The following TCF7L1 variants were observed in gnomAD, a reference collection of about 807,000 sequenced individuals.
The protein encoded by TCF7L1 is transcription factor 7 like 1.
A neutral mutation model predicts 63.7 loss-of-function variants in TCF7L1; 18 were observed. The observed-to-expected ratio is 0.28, with a 90% CI of 0.20 to 0.42. The LOEUF (loss-of-function observed/expected upper bound fraction) is 0.42. TCF7L1 is among the 10% of genes least tolerant of loss of function. The probability of loss-of-function intolerance (pLI) is 1.00; values close to 1 mark genes in which losing one functional copy is unlikely to be tolerated. For synonymous variants in TCF7L1, 355 were observed against 340.9 expected (o/e 1.04, Z -0.46); for missense variants, 654 against 779.3 (o/e 0.84, Z 1.91).
intron 3 of TCF7L1, among the ~76,000 whole-genome samples, chr2:85,268,894 CGA>C (rs1681077529): frequency 6.6e-6 from 1 of 151,868 alleles, no homozygotes; most frequent in East Asian, 1.9e-4. Context: ...CCTGGAGGAA[CGA>C]GTGTGGGGCA....
At chr2:85,151,495 A>T (rs2104205690) in intron 3 of TCF7L1, among the ~76,000 whole-genome samples, 1 of 152,232 alleles carries the variant, frequency 6.6e-6, no homozygotes, top group Middle Eastern at 3.4e-3. Flanking sequence ...TCTCTCTGTG[A>T]TGTCAGCAGC....
intron 3 of TCF7L1, among the ~76,000 whole-genome samples, chr2:85,181,880 CA>C (rs1208063257): frequency 6.6e-6 from 1 of 152,062 alleles, no homozygotes; most frequent in African/African-American, 2.4e-5. Context: ...GTGCCAAGGC[CA>C]GGGGCAGGTA....
chr2:85,215,609 G>A (rs1310614239), intron 3 of TCF7L1, among the ~76,000 whole-genome samples: 1 of 152,180 alleles, frequency 6.6e-6, no homozygotes, highest in Non-Finnish European at 1.5e-5. Context: ...ATCTGGCTGG[G>A]AATGGCCGGG....
At chr2:85,220,306 G>A (rs756809901) in intron 3 of TCF7L1, among the ~76,000 whole-genome samples, 5 of 151,778 alleles carry the variant, frequency 3.3e-5, no homozygotes, top group Non-Finnish European at 5.9e-5. Flanking sequence ...AAAATGATAA[G>A]CTATTCAATC....
chr2:85,289,618 C>G (rs535956848), intron 4 of TCF7L1, among the ~76,000 whole-genome samples: 31 of 152,324 alleles, frequency 2.0e-4, no homozygotes, highest in Admixed American at 5.2e-4. Context: ...TGCCACCTCT[C>G]TCTTCCTGGT....
chr2:85,190,324 G>A (rs1191869861), intron 3 of TCF7L1, among the ~76,000 whole-genome samples: 1 of 152,274 alleles, frequency 6.6e-6, no homozygotes, highest in South Asian at 2.1e-4. Flanking sequence ...TTGGAGGGAC[G>A]AAGGACATTT....
chr2:85,156,999 T>G (rs1678165669), intron 3 of TCF7L1, among the ~76,000 whole-genome samples: 1 of 152,196 alleles, frequency 6.6e-6, no homozygotes, highest in Non-Finnish European at 1.5e-5. Flanking sequence ...CATAGGATGG[T>G]TCCTCACAAC....
At chr2:85,206,038 A>G (rs1266451218) in intron 3 of TCF7L1, among the ~76,000 whole-genome samples, 1 of 152,214 alleles carries the variant, frequency 6.6e-6, no homozygotes, top group Non-Finnish European at 1.5e-5. Context: ...GCATACCTTT[A>G]TTGCTGACAA....
chr2:85,254,946 G>A lies in TCF7L1; in HGVS notation c.442-28549G>A, dbSNP rs116122050. Among the ~76,000 whole-genome samples, 427 of 152,292 alleles carry A rather than the reference G, an allele frequency of 2.8e-3. 1 individual carries two copies. Among genetic ancestry groups the A allele is most frequent in the African/African-American group, 9.7e-3 (403 of 41,564 alleles). ...CTGTTGGATGTCTTAATATGAGGAAGGACTCAAACAGAGCTGTCCGCAGCT... is the reference window on the plus strand; with the variant it reads ...CTGTTGGATGTCTTAATATGAGGAAAGACTCAAACAGAGCTGTCCGCAGCT... On this transcript the variant is annotated intron_variant, in intron 3 of 11. Coordinates refer to ENST00000282111, the MANE Select transcript of TCF7L1 (RefSeq NM_031283.3).
chr2:85,294,125 T>C (rs1681792307), intron 4 of TCF7L1, among the ~76,000 whole-genome samples: 1 of 139,272 alleles, frequency 7.2e-6, no homozygotes, highest in Non-Finnish European at 1.5e-5. Context: ...CAAGCTCCAC[T>C]TCCCGGATTC....
At chr2:85,235,514 G>C (rs1324572975) in intron 3 of TCF7L1, among the ~76,000 whole-genome samples, 1 of 151,914 alleles carries the variant, frequency 6.6e-6, no homozygotes, top group Admixed American at 6.6e-5. Flanking sequence ...CTCAGGGCTG[G>C]CTCCCTTGTG....
At chr2:85,228,790 C>A (rs1680009650) in intron 3 of TCF7L1, among the ~76,000 whole-genome samples, 1 of 150,212 alleles carries the variant, frequency 6.7e-6, no homozygotes, top group Non-Finnish European at 1.5e-5. Context: ...CCGAGGCGGG[C>A]AGATCATGAG....
chr2:85,233,840 C>T (rs1348558464), intron 3 of TCF7L1: 1 of 152,156 alleles, frequency 6.6e-6, no homozygotes, highest in Non-Finnish European at 1.5e-5. Context: ...TTGATTCTGG[C>T]TTCCTCTGCT....
chr2:85,247,721 G>A (rs1053874199), intron 3 of TCF7L1, among the ~76,000 whole-genome samples: 2 of 152,168 alleles, frequency 1.3e-5, no homozygotes, highest in African/African-American at 4.8e-5. Flanking sequence ...AAGCATTAAC[G>A]TTGCAGCTGG....
At chr2:85,308,491 C>CT (rs1379897421) in intron 11 of TCF7L1, among the ~76,000 whole-genome samples, 4 of 104,302 alleles carry the variant, frequency 3.8e-5, no homozygotes, top group Non-Finnish European at 5.6e-5. Context: ...CCTTCCCTCC[C>CT]TTCCCCCCCT....
chr2:85,271,102 C>T (rs1681143153), intron 3 of TCF7L1, among the ~76,000 whole-genome samples: 1 of 151,984 alleles, frequency 6.6e-6, no homozygotes, highest in African/African-American at 2.4e-5. Context: ...CCAACAGCCT[C>T]CAGCAGGCTC....
intron 4 of TCF7L1, among the ~76,000 whole-genome samples, chr2:85,287,054 G>A (rs575667747): frequency 1.3e-5 from 2 of 152,246 alleles, no homozygotes; most frequent in East Asian, 3.9e-4. Context: ...GTTCCTGTGA[G>A]CACCGTCCTG....
At chr2:85,170,628 C>T (rs1191336087) in intron 3 of TCF7L1, among the ~76,000 whole-genome samples, 10 of 152,138 alleles carry the variant, frequency 6.6e-5, no homozygotes, top group Admixed American at 3.3e-4. Flanking sequence ...CTCTCTCTCT[C>T]GCTCTCTCTC....
intron 3 of TCF7L1, among the ~76,000 whole-genome samples, chr2:85,240,481 A>T (rs1363730194): frequency 6.6e-6 from 1 of 152,126 alleles, no homozygotes; most frequent in Non-Finnish European, 1.5e-5. Context: ...CACAGATGAT[A>T]AAACCATTGG....
Sources: allele counts gnomAD v4.1 joint callset (sites outside exome capture counted in the v4.1 genomes callset), GRCh38; gene constraint gnomAD v4.1.1; transcripts MANE v1.5; gene names NCBI Gene and HGNC (gene_info 2026-07-23, HGNC 2026-07-21).